TELO2: variants seen among roughly 807,000 people sequenced by gnomAD.
TELO2 encodes the protein telomere length regulation protein TEL2 homolog.
Under a neutral mutation model 91.0 loss-of-function variants are expected in TELO2, and 71 were observed. The ratio of observed to expected loss-of-function variants is 0.78; its 90% CI spans 0.64 to 0.95. The LOEUF is 0.95. TELO2 is among the 40% of genes least tolerant of loss of function. TELO2 has a pLI of 0.00. For missense variants in TELO2, 1,183 were observed against 1,141.3 expected (o/e 1.04, Z -0.53); for synonymous variants, 584 against 518.9 (o/e 1.13, Z -1.71).
chr16:1,506,174 C>G, intron 16 of TELO2, 64 bp from the exon 17 acceptor site: 1 of 1,567,442 alleles, frequency 6.4e-7, no homozygotes, highest in South Asian at 1.1e-5. Flanking sequence ...TCCTCTCGGG[C>G]TAGGGGTGCC....
intron 17 of TELO2, chr16:1,506,622 T>A (rs781659442): frequency 2.2e-6 from 3 of 1,383,988 alleles, no homozygotes; most frequent in Non-Finnish European, 2.8e-6. Flanking sequence ...CCTGCTCGCC[T>A]CCTCCTGCCT....
chr16:1,506,168 C>T lies in TELO2; in HGVS notation c.2035-70C>T, dbSNP rs952146231. On this transcript the variant is annotated intron_variant, in intron 16 of 20. Coordinates refer to ENST00000262319, the MANE Select transcript of TELO2 (RefSeq NM_016111.4). ...GGTCCACGCTGCTTTGTGGGATCCT[C>T]TCGGGCTAGGGGTGCCGTGCCCGCT... 30 of 1,551,606 alleles carry T rather than the reference C, an allele frequency of 1.9e-5. No homozygotes were observed. In the African/African-American group the frequency reaches 3.1e-4, roughly 16 times the overall value.
chr16:1,504,353 G>A (rs890185445), intron 15 of TELO2, among the ~76,000 whole-genome samples: 14 of 144,774 alleles, frequency 9.7e-5, no homozygotes, highest in Admixed American at 2.8e-4. Flanking sequence ...AGAATTGCTT[G>A]GACCTGGGAG....
rs905228942 is a variant in TELO2, at chr16:1,494,763, G to T, written c.335+147G>T. On this transcript the variant is annotated intron_variant, in intron 2 of 20. Transcript: ENST00000262319. The surrounding 1 kb of genome is among the most constrained non-coding windows in gnomAD (Gnocchi z 5.6). ...GGCTGAACCCCTGAACAGAAGAAGC[G>T]GTCTGTGTCTGTCTCCTTTGCGACG... The T allele has an allele frequency of 5.7e-5, 53 of 924,672 alleles. No homozygotes were observed. The African/African-American group carries it at 8.5e-4, about 15-fold the overall frequency. 57.3% of individuals were successfully genotyped at this position (924,672 alleles called of 1,614,324 possible). A position where few individuals can be genotyped will look rare whatever the true frequency, so the allele number is the denominator to read the frequency against.
chr16:1,503,024 G>T, intron 15 of TELO2, 22 bp downstream of exon 15: 1 of 1,607,406 alleles, frequency 6.2e-7, no homozygotes. Context: ...CTGGGCCTCA[G>T]TCCCCCTGGT....
intron 3 of TELO2, among the ~76,000 whole-genome samples, chr16:1,496,605 C>G (rs898014648): frequency 3.9e-5 from 6 of 152,194 alleles, no homozygotes; most frequent in African/African-American, 1.4e-4. Flanking sequence ...ACAGCCCGGC[C>G]CCTCCCGGTT....
chr16:1,495,672 C>G lies in TELO2; in HGVS notation c.613+49C>G, dbSNP rs28672144. Reference sequence around the variant, plus strand: ...CCTTTGCCACCCGTCTTCTTGGGTCCTCGTCCCCTGCCACCCTCTGGTGCC... The same window carrying G: ...CCTTTGCCACCCGTCTTCTTGGGTCGTCGTCCCCTGCCACCCTCTGGTGCC... On this transcript the variant is annotated intron_variant, in intron 3 of 20. Transcript: ENST00000262319. The G allele has an allele frequency of 2.0e-3, 3,121 of 1,533,814 alleles. 59 individuals carry two copies. The African/African-American group carries it at 0.038, about 18-fold the overall frequency.
chr16:1,502,869 G>A (rs1001458643), intron 14 of TELO2, 62 bp from the exon 15 acceptor site: 28 of 1,604,606 alleles, frequency 1.7e-5, no homozygotes, highest in South Asian at 1.5e-4. Context: ...TGAGGTGCCC[G>A]GAGGTCGCCC....
intron 17 of TELO2, chr16:1,506,725 G>A: frequency 2.2e-6 from 3 of 1,389,708 alleles, no homozygotes; most frequent in Non-Finnish European, 2.8e-6. Context: ...GCAGGGGTGG[G>A]GGTCTCGGCG....
In TELO2 at chr16:1,497,201, C is replaced by A; in HGVS notation, c.682+97C>A. The A allele has an allele frequency of 6.5e-7, 1 of 1,541,726 alleles. No homozygotes were observed. The highest frequency in any genetic ancestry group is 8.8e-7 in the Non-Finnish European group (1 of 1,133,248). ...GAGAATCCCTCCTGACCCTGGCCCT[C>A]TGCAGGGTCCCCTTGCCCGGTCCTG... is the stretch of plus-strand genomic sequence containing the variant. On this transcript the variant is annotated intron_variant, in intron 4 of 20. Transcript: ENST00000262319. This position sits in a 1 kb window ranked among gnomAD's most constrained non-coding sequence, Gnocchi z 4.0.
In TELO2 at chr16:1,502,929, AGGTGGCCG is replaced by A; in HGVS notation, c.1771-1_1777del. ...ACAGCAGCCTCTCCCCTGTGTCCTC[AGGTGGCCG>A]ACTATCTGACCTCACAGTTCTATGC... is the stretch of plus-strand genomic sequence containing the variant. On this transcript the variant is annotated splice_acceptor_variant and coding_sequence_variant, in exon 15 of 21. Transcript: ENST00000262319. LOFTEE classifies it high-confidence loss of function. The A allele has an allele frequency of 6.2e-7, 1 of 1,610,880 alleles. No homozygotes were observed. Among genetic ancestry groups the A allele is most frequent in the Non-Finnish European group, 8.5e-7 (1 of 1,179,980 alleles).
rs61742313 is a variant in TELO2 at position 1,494,295 on chromosome 16, C to T, written c.14C>T (p.Pro5Leu). The stretch of plus-strand genomic sequence containing the variant: ...CTGTCCTGCAGGATGGAGCCAGCAC[C>T]CTCAGAGGTTCGACTCGCCGTCCGG... Reference protein sequence around the residue: MEPAPSEVRLAVREA... With the variant: MEPALSEVRLAVREA... The change falls in exon 2 of 21, where the codon CCC becomes CTC. Residue 5 changes from proline to leucine, a missense_variant. Pro to Leu is a moderately conservative substitution (Grantham distance 98). Transcript: ENST00000262319. This position sits in a 1 kb window ranked among gnomAD's most constrained non-coding sequence, Gnocchi z 5.6. 2 of 1,612,818 alleles carry T rather than the reference C, an allele frequency of 1.2e-6. No individual in the cohort carries two copies. The highest frequency in any genetic ancestry group is 1.3e-5 in the African/African-American group (1 of 74,894).
chr16:1,499,960 C>T (rs920478314), intron 6 of TELO2, 136 bp from the exon 7 acceptor site: 3 of 1,025,308 alleles, frequency 2.9e-6, no homozygotes, highest in African/African-American at 1.6e-5. Flanking sequence ...TTCCAGGAGG[C>T]AGTGGCCGCC....
At position 1,510,071 on chromosome 16, in the gene TELO2, G is replaced by A. The variant is rs569798889; in HGVS notation, c.*135G>A. 14 of 711,944 alleles carry A rather than the reference G, an allele frequency of 2.0e-5. No homozygotes were observed. The African/African-American group carries it at 2.1e-4, about 11-fold the overall frequency. 44.1% of individuals were successfully genotyped at this position (711,944 alleles called of 1,614,324 possible). ...ATCCGGTACGGAGAGTGCAGATGCA[G>A]GAAGGCCCGGCCTGCCGCTATTTAT... On this transcript the variant is annotated 3_prime_UTR_variant, in exon 21 of 21. Coordinates refer to ENST00000262319, the MANE Select transcript of TELO2 (RefSeq NM_016111.4).
Position 1,500,704 on chromosome 16 carries a change from G to T in TELO2, c.1281+5G>T. On this transcript the variant is annotated splice_donor_5th_base_variant and intron_variant, in intron 9 of 20. Transcript: ENST00000262319. ...GGGCCTCCCCTGAAATTCCAGGTGA[G>T]CGGGCCGTCCCCTCCGCGTCCCCGT... The T allele has an allele frequency of 1.2e-6, 2 of 1,612,042 alleles. No individual in the cohort carries two copies. The highest frequency in any genetic ancestry group is 1.7e-6 in the Non-Finnish European group (2 of 1,179,776).
chr16:1,506,741 AAC>A (rs2039907845), intron 17 of TELO2: 24 of 1,392,648 alleles, frequency 1.7e-5, no homozygotes, highest in Non-Finnish European at 2.1e-5. Context: ...CGGCGTTGGG[AAC>A]TCCTGGCCCA....
Position 1,505,642 on chromosome 16 carries a change from G to T in TELO2, c.2034+41G>T. ...TCAGCTCCTCACGGGCATGGGGACC[G>T]TGGGTGGGTGGGAAGGGCGGTCAGA... On this transcript the variant is annotated intron_variant, in intron 16 of 20. Transcript: ENST00000262319. The surrounding 1 kb of genome is among the most constrained non-coding windows in gnomAD (Gnocchi z 4.3). The T allele has an allele frequency of 6.7e-7, 1 of 1,496,308 alleles. No homozygotes were observed. The allele number at this position is 1,496,308 out of a possible 1,614,324, so 92.7% of individuals were successfully genotyped here. A position where few individuals can be genotyped will look rare whatever the true frequency, so the allele number is the denominator to read the frequency against.
Position 1,501,443 on chromosome 16 carries a change from C to G in TELO2, c.1305C>G (p.Leu435=). Residue 435 remains leucine (L), a synonymous_variant, in exon 10 of 21, where the codon CTC becomes CTG. Coordinates refer to ENST00000262319, the MANE Select transcript of TELO2 (RefSeq NM_016111.4). ...KFQYEEDELS[L]ELLALASPQP... is the part of the protein sequence containing the mutation. ...AGTACGAAGAGGATGAACTGAGCCT[C>G]GAGCTGCTGGCCTTGGCCTCCCCCC... The G allele has an allele frequency of 6.2e-7, 1 of 1,612,356 alleles. No homozygotes were observed. Among genetic ancestry groups the G allele is most frequent in the Non-Finnish European group, 8.5e-7 (1 of 1,179,628 alleles).
At position 1,497,132 on chromosome 16, in the gene TELO2, T is replaced by C; in HGVS notation, c.682+28T>C. 6 of 1,613,090 alleles carry C rather than the reference T, an allele frequency of 3.7e-6. No homozygotes were observed. Among genetic ancestry groups the C allele is most frequent in the Non-Finnish European group, 5.1e-6 (6 of 1,179,470 alleles). On this transcript the variant is annotated intron_variant, in intron 4 of 20. Coordinates refer to ENST00000262319, the MANE Select transcript of TELO2 (RefSeq NM_016111.4). This position sits in a 1 kb window ranked among gnomAD's most constrained non-coding sequence, Gnocchi z 4.0. ...GAGTAGAGCAGTGCCTTCCTGCCCA[T>C]CCTGCCCCGACCCTCACAGCCCATC...
Sources: allele counts gnomAD v4.1 joint callset (sites outside exome capture counted in the v4.1 genomes callset), GRCh38; gene constraint gnomAD v4.1.1; non-coding constraint Gnocchi (gnomAD v3.1); transcripts MANE v1.5; gene names NCBI Gene and HGNC (gene_info 2026-07-23, HGNC 2026-07-21).